Variants in TOX observed in about 807,000 individuals in gnomAD.
The protein encoded by TOX is thymocyte selection-associated high mobility group box protein TOX.
A neutral mutation model predicts 53.7 loss-of-function variants in TOX; 11 were observed. The ratio of observed to expected loss-of-function variants is 0.20; its 90% CI spans 0.13 to 0.34. TOX has a LOEUF of 0.34. Ranked by LOEUF, TOX falls within the 10% of genes least tolerant of loss-of-function variation. TOX has a pLI of 1.00. For synonymous variants in TOX, 225 were observed against 245.3 expected (o/e 0.92, Z 0.77); for missense variants, 570 against 664.6 (o/e 0.86, Z 1.56).
intron 3 of TOX, among the ~76,000 whole-genome samples, chr8:58,935,611 G>A (rs1051381080): frequency 1.3e-5 from 2 of 152,090 alleles, no homozygotes; most frequent in African/African-American, 2.4e-5. Flanking sequence ...TTCGAGGTGG[G>A]CAACATTTAA....
intron 1 of TOX, among the ~76,000 whole-genome samples, chr8:58,975,857 A>C (rs1195388346): frequency 2.6e-5 from 4 of 152,106 alleles, no homozygotes; most frequent in Non-Finnish European, 5.9e-5. Flanking sequence ...GTGGATCACA[A>C]GGTCAAGAGA....
rs1805148695 is a variant in TOX at position 59,118,509 on chromosome 8, G to A, written c.102+377C>T. On this transcript the variant is annotated intron_variant, in intron 1 of 8. Coordinates refer to ENST00000361421, the MANE Select transcript of TOX (RefSeq NM_014729.3). This position sits in a 1 kb window ranked among gnomAD's most constrained non-coding sequence, Gnocchi z 4.1. The stretch of plus-strand genomic sequence containing the variant: ...GGGAGGGAGAGAGAAGGGGGAACTG[G>A]GAAATAAACTGAATTCTCTTACTCT... 6.6e-6 allele frequency among the ~76,000 whole-genome samples: 1 copy of A among 152,110 alleles called. No homozygotes were observed. The highest frequency in any genetic ancestry group is 1.5e-5 in the Non-Finnish European group (1 of 68,020).
At chr8:58,845,368 C>A (rs1810705251) in intron 4 of TOX, among the ~76,000 whole-genome samples, 1 of 152,086 alleles carries the variant, frequency 6.6e-6, no homozygotes, top group African/African-American at 2.4e-5. Context: ...CATATAACAG[C>A]ACTTTTTGTG....
intron 1 of TOX, among the ~76,000 whole-genome samples, chr8:59,010,951 G>A (rs1012967877): frequency 2.0e-5 from 3 of 152,120 alleles, no homozygotes; most frequent in East Asian, 1.9e-4. Context: ...CATAACAGTC[G>A]GAATAGTAAG....
At chr8:58,864,504 T>C (rs1019379716) in intron 3 of TOX, among the ~76,000 whole-genome samples, 12 of 152,228 alleles carry the variant, frequency 7.9e-5, no homozygotes, top group African/African-American at 2.9e-4. Context: ...ATAACTTGGG[T>C]TTTTTCATTG....
intron 1 of TOX, among the ~76,000 whole-genome samples, chr8:58,987,555 C>G (rs138657766): frequency 2.0e-5 from 3 of 152,242 alleles, no homozygotes; most frequent in East Asian, 3.9e-4. Flanking sequence ...AATGGAAGTA[C>G]TAATTCTGAT....
At chr8:58,954,697 G>T (rs1284860172) in intron 2 of TOX, among the ~76,000 whole-genome samples, 1 of 152,188 alleles carries the variant, frequency 6.6e-6, no homozygotes, top group African/African-American at 2.4e-5. Context: ...TGTGTAGCTG[G>T]AAAAGAGGAG....
At chr8:59,097,469 A>C (rs1804732274) in intron 1 of TOX, among the ~76,000 whole-genome samples, 1 of 152,186 alleles carries the variant, frequency 6.6e-6, no homozygotes, top group Non-Finnish European at 1.5e-5. Flanking sequence ...AAATTCTACC[A>C]ATAAAATACT....
At chr8:58,909,760 C>A (rs943814069) in intron 3 of TOX, among the ~76,000 whole-genome samples, 1 of 151,696 alleles carries the variant, frequency 6.6e-6, no homozygotes, top group Non-Finnish European at 1.5e-5. Flanking sequence ...TGGGTTCAAG[C>A]GATTCTCCTG....
At chr8:59,053,684 G>GTGTA (rs1803834774) in intron 1 of TOX, among the ~76,000 whole-genome samples, 1 of 152,192 alleles carries the variant, frequency 6.6e-6, no homozygotes, top group Non-Finnish European at 1.5e-5. Context: ...TTGGATCAAT[G>GTGTA]TGTAAGTGGT....
chr8:59,022,425 G>T (rs1351982568), intron 1 of TOX, among the ~76,000 whole-genome samples: 1 of 152,098 alleles, frequency 6.6e-6, no homozygotes, highest in African/African-American at 2.4e-5. Context: ...CGGCTTTCTA[G>T]ACCCCATTTA....
intron 1 of TOX, among the ~76,000 whole-genome samples, chr8:58,980,623 C>T (rs932919312): frequency 6.6e-6 from 1 of 152,122 alleles, no homozygotes; most frequent in Non-Finnish European, 1.5e-5. Context: ...CCCTCATGTT[C>T]CAGGCATATT....
intron 5 of TOX, among the ~76,000 whole-genome samples, chr8:58,837,440 C>T (rs1335417587): frequency 6.6e-6 from 1 of 152,172 alleles, no homozygotes; most frequent in Admixed American, 6.5e-5. Flanking sequence ...GACTCCAATC[C>T]TCTTTAAGAC....
intron 1 of TOX, among the ~76,000 whole-genome samples, chr8:59,111,834 G>C (rs1805021038): frequency 6.6e-6 from 1 of 152,062 alleles, no homozygotes; most frequent in African/African-American, 2.4e-5. Flanking sequence ...TTTCCAGACA[G>C]TTTCATAAAA....
At chr8:59,046,600 A>G (rs59608513) in intron 1 of TOX, among the ~76,000 whole-genome samples, 8,667 of 152,174 alleles carry the variant, frequency 0.057, 827 homozygotes, top group African/African-American at 0.19. Context: ...GCTCATGCCT[A>G]TAATCCCAGC....
chr8:58,821,016 C>T (rs1398633491), intron 6 of TOX, among the ~76,000 whole-genome samples: 4 of 152,078 alleles, frequency 2.6e-5, no homozygotes, highest in African/African-American at 4.8e-5. Context: ...CCTTCAATAG[C>T]GTGTAAAATT....
At chr8:58,942,833 A>G (rs1812464601) in intron 2 of TOX, among the ~76,000 whole-genome samples, 1 of 152,188 alleles carries the variant, frequency 6.6e-6, no homozygotes, top group African/African-American at 2.4e-5. Flanking sequence ...TTGCTTGCTC[A>G]CACAGATCCA....
intron 3 of TOX, among the ~76,000 whole-genome samples, chr8:58,883,219 C>T (rs77674762): frequency 1.3e-5 from 2 of 152,304 alleles, no homozygotes; most frequent in East Asian, 1.9e-4. Flanking sequence ...ACATGACTCT[C>T]CATTACTGAG....
chr8:59,113,757 G>A (rs997955165), intron 1 of TOX, among the ~76,000 whole-genome samples: 1 of 152,116 alleles, frequency 6.6e-6, no homozygotes, highest in Non-Finnish European at 1.5e-5. Context: ...GAGATGGAGA[G>A]GTGGGAGGTA....
Sources: gnomAD v4.1 joint callset for allele counts (sites outside exome capture counted in the v4.1 genomes callset) on GRCh38, gnomAD v4.1.1 for gene constraint, Gnocchi (gnomAD v3.1) non-coding constraint, MANE v1.5 for transcripts, NCBI Gene and HGNC (gene_info 2026-07-23, HGNC 2026-07-21) for gene names.